PDE5A: variants seen among roughly 807,000 people sequenced by gnomAD.
PDE5A encodes the protein cGMP-specific 3',5'-cyclic phosphodiesterase.
In PDE5A, 67 loss-of-function variants were observed where a neutral mutation model predicts 110.2. The ratio of observed to expected loss-of-function variants is 0.61; its 90% CI spans 0.50 to 0.75. PDE5A has a LOEUF of 0.75. Ranked by LOEUF, PDE5A falls within the 30% of genes least tolerant of loss-of-function variation. PDE5A has a pLI of 0.00. For synonymous variants in PDE5A, 328 were observed against 351.2 expected, an observed-to-expected ratio of 0.93 and a Z score of 0.74; for missense variants, 862 against 1,045.1, an observed-to-expected ratio of 0.82 and a Z score of 2.42.
chr4:119,533,831 T>C (rs1222741583), intron 11 of PDE5A, among the ~76,000 whole-genome samples: 1 of 152,178 alleles, frequency 6.6e-6, no homozygotes, highest in African/African-American at 2.4e-5. Flanking sequence ...AGTAAATTTA[T>C]GATTGCAATT....
chr4:119,542,464 A>G lies in PDE5A; in HGVS notation c.1567T>C (p.Leu523=), dbSNP rs138621648. The part of the protein sequence containing the change: ...ERAMAKQMVT[L]EVLSYHASAA... ...GGTCCCTAAACTTCACCCACCTCCAATGTGACCATTTGCTTGGCCATGGCT... is the reference window on the plus strand; with the variant it reads ...GGTCCCTAAACTTCACCCACCTCCAGTGTGACCATTTGCTTGGCCATGGCT... The change falls in exon 10 of 21, where the codon TTG becomes CTG. Residue 523 remains leucine, a synonymous_variant. Transcript: ENST00000354960. 25 of 1,613,716 alleles carry G rather than the reference A, an allele frequency of 1.5e-5. No homozygotes were observed. Among genetic ancestry groups the G allele is most frequent in the African/African-American group, 6.7e-5 (5 of 74,974 alleles).
chr4:119,577,749 T>A (rs1034498761), intron 3 of PDE5A, among the ~76,000 whole-genome samples: 2 of 152,174 alleles, frequency 1.3e-5, no homozygotes, highest in African/African-American at 4.8e-5. Flanking sequence ...GGGCAAAAAC[T>A]GAAAGCATTC....
intron 1 of PDE5A, among the ~76,000 whole-genome samples, chr4:119,617,058 T>C (rs1729968105): frequency 6.6e-6 from 1 of 152,178 alleles, no homozygotes; most frequent in Non-Finnish European, 1.5e-5. Context: ...TCTAAAAAGT[T>C]TATAAATTGA....
Position 119,572,289 on chromosome 4 carries a change from C to G in PDE5A, c.832-5145G>C, listed in dbSNP as rs147199673. Among the ~76,000 whole-genome samples the G allele has an allele frequency of 3.2e-3, 485 of 152,242 alleles. 10 individuals carry two copies. The highest frequency in any genetic ancestry group is 0.03 in the Admixed American group (454 of 15,286). ...AACACTTTGCATTATTTTACATGTA[C>G]TCAAAAGTTGAATAGTATGTGTTGT... On this transcript the variant is annotated intron_variant, in intron 3 of 20. Coordinates refer to ENST00000354960, the MANE Select transcript of PDE5A (RefSeq NM_001083.4).
At chr4:119,577,480 T>TATCCACCA (rs1414933420) in intron 3 of PDE5A, among the ~76,000 whole-genome samples, 21 of 152,184 alleles carry the variant, frequency 1.4e-4, no homozygotes, top group Non-Finnish European at 3.1e-4. Context: ...TCAAAAAGCT[T>TATCCACCA]ATCCACCATG....
chr4:119,604,066 T>C (rs1729440276), intron 2 of PDE5A, among the ~76,000 whole-genome samples: 1 of 152,134 alleles, frequency 6.6e-6, no homozygotes, highest in African/African-American at 2.4e-5. Context: ...CCCCCACAAG[T>C]TCTAATGAAA....
At chr4:119,554,643 G>A (rs1727478752) in intron 7 of PDE5A, among the ~76,000 whole-genome samples, 1 of 151,866 alleles carries the variant, frequency 6.6e-6, no homozygotes, top group Non-Finnish European at 1.5e-5. Flanking sequence ...CCTAACAATA[G>A]TAGACATTTC....
At chr4:119,504,675 TAAA>T in intron 17 of PDE5A, 76 bp from the exon 18 acceptor site, 1 of 1,194,702 alleles carries the variant, frequency 8.4e-7, no homozygotes, top group Non-Finnish European at 1.2e-6. Flanking sequence ...TAGTTACTAA[TAAA>T]AAAAAGTTAA....
At chr4:119,587,592 G>C (rs1181763105) in intron 3 of PDE5A, among the ~76,000 whole-genome samples, 1 of 152,084 alleles carries the variant, frequency 6.6e-6, no homozygotes, top group Non-Finnish European at 1.5e-5. Context: ...CACCTTGTTA[G>C]CCAGGATGGT....
At chr4:119,584,487 A>C (rs1728689301) in intron 3 of PDE5A, among the ~76,000 whole-genome samples, 1 of 152,220 alleles carries the variant, frequency 6.6e-6, no homozygotes, top group South Asian at 2.1e-4. Flanking sequence ...ACAAATCCAC[A>C]AAAACCTCTT....
intron 11 of PDE5A, among the ~76,000 whole-genome samples, chr4:119,528,039 C>T (rs933575685): frequency 5.2e-5 from 7 of 134,248 alleles, no homozygotes; most frequent in Non-Finnish European, 9.7e-5. Flanking sequence ...GTCAAATTAA[C>T]CAAATATGGA....
chr4:119,525,480 C>A lies in PDE5A; in HGVS notation c.1779+69G>T. The A allele has an allele frequency of 1.4e-6, 2 of 1,423,606 alleles. No homozygotes were observed. Among genetic ancestry groups the A allele is most frequent in the Non-Finnish European group, 1.9e-6 (2 of 1,050,868 alleles). 88.2% of individuals were successfully genotyped at this position (1,423,606 alleles called of 1,614,324 possible). A position where few individuals can be genotyped will look rare whatever the true frequency, so the allele number is the denominator to read the frequency against. On this transcript the variant is annotated intron_variant, in intron 12 of 20. Coordinates refer to ENST00000354960, the MANE Select transcript of PDE5A (RefSeq NM_001083.4). The surrounding 1 kb of genome is among the most constrained non-coding windows in gnomAD (Gnocchi z 4.3). ...CCTATTCCATATTTGCATTCAAAAC[C>A]AATTCTCTCTCTTACATACACACAC...
chr4:119,602,268 G>A (rs1578816804), intron 2 of PDE5A, among the ~76,000 whole-genome samples: 1 of 152,020 alleles, frequency 6.6e-6, no homozygotes, highest in Non-Finnish European at 1.5e-5. Context: ...GAAATAATAA[G>A]CATATATTCC....
rs116303930 is a variant in PDE5A at position 119,569,370 on chromosome 4, G to A, written c.832-2226C>T. ...TAAATGTTTTATAGTATAGGAGGGT[G>A]ACTATACTTAACAAAAATGTATTGT... is the stretch of plus-strand genomic sequence containing the variant. On this transcript the variant is annotated intron_variant, in intron 3 of 20. Coordinates refer to ENST00000354960, the MANE Select transcript of PDE5A (RefSeq NM_001083.4). 5.8e-3 allele frequency among the ~76,000 whole-genome samples: 887 copies of A among 152,068 alleles called. 9 individuals are homozygous for A. Among genetic ancestry groups the A allele is most frequent in the Non-Finnish European group, 7.8e-3 (527 of 67,996 alleles).
intron 12 of PDE5A, among the ~76,000 whole-genome samples, chr4:119,522,950 G>A (rs564287244): frequency 5.3e-5 from 8 of 151,792 alleles, no homozygotes; most frequent in South Asian, 4.2e-4. Flanking sequence ...AGATGCCACC[G>A]GAGAAAAAGA....
At chr4:119,588,194 G>A (rs561390154) in intron 3 of PDE5A, among the ~76,000 whole-genome samples, 6 of 139,160 alleles carry the variant, frequency 4.3e-5, no homozygotes, top group African/African-American at 1.3e-4. Flanking sequence ...TTTTTGAGAC[G>A]GAGTCTCACT....
intron 1 of PDE5A, among the ~76,000 whole-genome samples, chr4:119,613,916 C>A (rs1195843572): frequency 6.6e-6 from 1 of 151,916 alleles, no homozygotes; most frequent in Non-Finnish European, 1.5e-5. Context: ...AGGTACTATA[C>A]CCTATTAAGA....
In PDE5A at chr4:119,607,044, G is replaced by C; in HGVS notation, c.406C>G (p.Leu136Val). Residue 136 changes from leucine to valine, a missense_variant, in exon 2 of 21, where the codon CTA (leucine) becomes GTA (valine). Transcript: ENST00000354960. ...TCATGATCAAACCTTGGAGGGGTTA[G>C]AGGCATCTGTTCCTTCTTTTCTGAG... is the stretch of plus-strand genomic sequence containing the variant. ...SDSEKKEQMPLTPPRFDHDEG... is the reference protein window; with the variant it reads ...SDSEKKEQMPVTPPRFDHDEG... The C allele has an allele frequency of 6.2e-7, 1 of 1,614,210 alleles. No homozygotes were observed. The highest frequency in any genetic ancestry group is 8.5e-7 in the Non-Finnish European group (1 of 1,180,024).
At chr4:119,579,489 C>G (rs1348022988) in intron 3 of PDE5A, among the ~76,000 whole-genome samples, 1 of 151,936 alleles carries the variant, frequency 6.6e-6, no homozygotes, top group African/African-American at 2.4e-5. Flanking sequence ...CACATATACA[C>G]CATGGAATAC....
Sources: allele counts gnomAD v4.1 joint callset (sites outside exome capture counted in the v4.1 genomes callset), GRCh38; gene constraint gnomAD v4.1.1; non-coding constraint Gnocchi (gnomAD v3.1); transcripts MANE v1.5; gene names NCBI Gene and HGNC (gene_info 2026-07-23, HGNC 2026-07-21).